The following LRP1B variants were observed in gnomAD, a reference collection of about 807,000 sequenced individuals.
LRP1B encodes the protein low-density lipoprotein receptor-related protein 1B.
In LRP1B, 217 loss-of-function variants were observed where a neutral mutation model predicts 556.6. The observed-to-expected ratio is 0.39, with a 90% CI of 0.35 to 0.44. The LOEUF is 0.44. Ranked by LOEUF, LRP1B falls within the 20% of genes least tolerant of loss-of-function variation. The pLI is 1.00. For synonymous variants in LRP1B, 2,047 were observed against 1,865.8 expected (o/e 1.10, Z -2.50); for missense variants, 5,053 against 5,620.8 (o/e 0.90, Z 3.23).
At position 140,730,963 on chromosome 2, in the gene LRP1B, C is replaced by T. The variant is rs189696521; in HGVS notation, c.5759-14147G>A. On this transcript the variant is annotated intron_variant, in intron 35 of 90. Transcript: ENST00000389484. ...GGTAGTGTCTCACACGCTTTCCTGC[C>T]TCCATCTTGACTCTAGCAGCACTAG... Among the ~76,000 whole-genome samples the T allele has an allele frequency of 2.9e-3, 447 of 152,258 alleles. 3 individuals are homozygous for T. The highest frequency in any genetic ancestry group is 0.017 in the South Asian group (81 of 4,822).
At chr2:140,902,853 G>C (rs1694143783) in intron 23 of LRP1B, 67 bp downstream of exon 23, 1 of 1,527,206 alleles carries the variant, frequency 6.5e-7, no homozygotes, top group Admixed American at 1.8e-5. Flanking sequence ...TTCTGAAGCA[G>C]TTTTGGGATT....
chr2:140,608,514 CTTTCT>C (rs920723806), intron 41 of LRP1B, among the ~76,000 whole-genome samples: 1 of 152,326 alleles, frequency 6.6e-6, no homozygotes, highest in African/African-American at 2.4e-5. Context: ...TTATCTTACT[CTTTCT>C]TTTGTCCTTA....
At chr2:141,343,819 A>G (rs1688152996) in intron 3 of LRP1B, among the ~76,000 whole-genome samples, 1 of 152,158 alleles carries the variant, frequency 6.6e-6, no homozygotes, top group Non-Finnish European at 1.5e-5. Flanking sequence ...TCTCATGTGA[A>G]TAATAGAAGA....
At chr2:140,663,491 A>T (rs1685166583) in intron 41 of LRP1B, among the ~76,000 whole-genome samples, 1 of 152,300 alleles carries the variant, frequency 6.6e-6, no homozygotes, top group South Asian at 2.1e-4. Context: ...TATTGTATGG[A>T]GACGGCTTCT....
At chr2:141,129,004 C>T (rs371088110) in intron 7 of LRP1B, among the ~76,000 whole-genome samples, 7 of 152,034 alleles carry the variant, frequency 4.6e-5, no homozygotes, top group Non-Finnish European at 7.4e-5. Flanking sequence ...TTGAAATAAA[C>T]GATTTGGTAA....
intron 2 of LRP1B, among the ~76,000 whole-genome samples, chr2:141,532,843 G>A (rs985704967): frequency 3.1e-4 from 47 of 152,012 alleles, no homozygotes; most frequent in African/African-American, 7.2e-4. Flanking sequence ...AAAATTAGCC[G>A]GGTATGGTGG....
intron 76 of LRP1B, 134 bp from the exon 77 acceptor site, chr2:140,351,172 T>C (rs1346636424): frequency 1.7e-6 from 1 of 598,158 alleles, no homozygotes; most frequent in African/African-American, 1.9e-5. Flanking sequence ...CAGTTTTATA[T>C]TGTCTTTTAG....
intron 3 of LRP1B, among the ~76,000 whole-genome samples, chr2:141,329,411 G>A (rs1312304466): frequency 1.3e-5 from 2 of 148,744 alleles, no homozygotes; most frequent in East Asian, 2.0e-4. Flanking sequence ...AAGGGAGGCC[G>A]AGGCTGGTGG....
intron 7 of LRP1B, among the ~76,000 whole-genome samples, chr2:141,075,152 T>C (rs1205494786): frequency 2.6e-5 from 4 of 152,054 alleles, no homozygotes; most frequent in African/African-American, 9.7e-5. Context: ...GGGAGGAGGA[T>C]GGATTAAAAG....
At chr2:142,023,169 G>A (rs1394320164) in intron 1 of LRP1B, among the ~76,000 whole-genome samples, 1 of 152,106 alleles carries the variant, frequency 6.6e-6, no homozygotes, top group East Asian at 1.9e-4. Context: ...CTTTGAAGGA[G>A]AATTTTCTAT....
At chr2:141,134,251 C>A (rs1385552302) in intron 7 of LRP1B, among the ~76,000 whole-genome samples, 1 of 151,746 alleles carries the variant, frequency 6.6e-6, no homozygotes, top group Admixed American at 6.6e-5. Flanking sequence ...TAAGGTCTCC[C>A]TCCTTCAGGC....
intron 7 of LRP1B, among the ~76,000 whole-genome samples, chr2:141,097,027 A>G (rs1231473106): frequency 1.3e-5 from 2 of 152,202 alleles, no homozygotes; most frequent in Non-Finnish European, 2.9e-5. Context: ...GGATAGGCAC[A>G]TTGGTAAAGT....
intron 84 of LRP1B, among the ~76,000 whole-genome samples, chr2:140,290,071 C>G (rs1408580685): frequency 6.6e-6 from 1 of 152,008 alleles, no homozygotes; most frequent in Admixed American, 6.6e-5. Flanking sequence ...AAATTCCAGG[C>G]ACTGAATTCA....
intron 46 of LRP1B, 73 bp downstream of exon 46, chr2:140,536,508 G>A: frequency 6.9e-7 from 1 of 1,456,816 alleles, no homozygotes; most frequent in Non-Finnish European, 9.4e-7. Context: ...ACCACACCGA[G>A]ACAAGCAAAC....
At chr2:141,358,022 C>A (rs1688687280) in intron 3 of LRP1B, among the ~76,000 whole-genome samples, 1 of 152,154 alleles carries the variant, frequency 6.6e-6, no homozygotes, top group Non-Finnish European at 1.5e-5. Context: ...ATAGAGAATA[C>A]TTCAGTGATT....
intron 25 of LRP1B, among the ~76,000 whole-genome samples, chr2:140,872,272 G>A (rs140312920): frequency 1.9e-3 from 276 of 148,804 alleles, no homozygotes; most frequent in African/African-American, 6.5e-3. Context: ...GGGGAAAACC[G>A]TCTGTTTTTC....
intron 3 of LRP1B, among the ~76,000 whole-genome samples, chr2:141,434,187 T>C (rs1248890428): frequency 6.6e-6 from 1 of 152,174 alleles, no homozygotes; most frequent in Admixed American, 6.5e-5. Context: ...TTTCTGTCCC[T>C]TTCTCTTTTG....
intron 1 of LRP1B, among the ~76,000 whole-genome samples, chr2:141,841,161 A>G (rs769797254): frequency 1.3e-5 from 2 of 152,182 alleles, no homozygotes; most frequent in Non-Finnish European, 2.9e-5. Flanking sequence ...TACTTGAACC[A>G]AGGATAAGTA....
intron 18 of LRP1B, among the ~76,000 whole-genome samples, chr2:140,961,250 C>A (rs932055370): frequency 6.6e-6 from 1 of 151,868 alleles, no homozygotes; most frequent in African/African-American, 2.4e-5. Context: ...CCTATCAATC[C>A]ATCAATCTAT....
Sources: gnomAD v4.1 joint callset for allele counts (sites outside exome capture counted in the v4.1 genomes callset) on GRCh38, gnomAD v4.1.1 for gene constraint, MANE v1.5 for transcripts, NCBI Gene and HGNC (gene_info 2026-07-23, HGNC 2026-07-21) for gene names.